Variants in DOCK9 observed in about 807,000 individuals in gnomAD.
The protein encoded by DOCK9 is dedicator of cytokinesis protein 9.
Under a neutral mutation model 263.3 loss-of-function variants are expected in DOCK9, and 89 were observed. That is an observed-to-expected ratio of 0.34 (90% CI 0.28 to 0.40). DOCK9 has a LOEUF of 0.40. Ranked by LOEUF, DOCK9 falls within the 10% of genes least tolerant of loss-of-function variation. The pLI is 1.00. For synonymous variants in DOCK9, 976 were observed against 973.1 expected (o/e 1.00, Z -0.06); for missense variants, 2,140 against 2,603.4 (o/e 0.82, Z 3.87).
chr13:98,886,904 ATTC>A (rs1370362583), intron 18 of DOCK9, among the ~76,000 whole-genome samples: 7 of 151,920 alleles, frequency 4.6e-5, no homozygotes, highest in African/African-American at 1.7e-4. Context: ...TTCTTATGCA[ATTC>A]TTCTGTCCAA....
chr13:98,845,528 G>A (rs963521283), intron 38 of DOCK9, among the ~76,000 whole-genome samples: 2 of 152,216 alleles, frequency 1.3e-5, no homozygotes, highest in Non-Finnish European at 2.9e-5. Context: ...ACATGCACAG[G>A]ATCAGAAGGG....
chr13:99,062,161 C>G (rs2041222359), intron 1 of DOCK9, among the ~76,000 whole-genome samples: 1 of 152,168 alleles, frequency 6.6e-6, no homozygotes, highest in South Asian at 2.1e-4. Context: ...CATGAGCCAC[C>G]ATGCCCATCC....
chr13:99,020,342 C>T (rs1480195742), intron 1 of DOCK9, among the ~76,000 whole-genome samples: 1 of 152,188 alleles, frequency 6.6e-6, no homozygotes, highest in African/African-American at 2.4e-5. Context: ...CAGCAATATA[C>T]TAAACCACAT....
chr13:99,069,790 G>A (rs889596260), intron 1 of DOCK9, among the ~76,000 whole-genome samples: 3 of 152,154 alleles, frequency 2.0e-5, no homozygotes, highest in East Asian at 3.8e-4. Context: ...CAAGTTAATC[G>A]CTTAAAAGTT....
intron 1 of DOCK9, among the ~76,000 whole-genome samples, chr13:99,033,244 T>C (rs955748407): frequency 6.6e-6 from 1 of 152,212 alleles, no homozygotes; most frequent in Non-Finnish European, 1.5e-5. Context: ...AAAACAAATA[T>C]TCCACCTTAG....
chr13:98,903,963 G>C (rs946157714), intron 10 of DOCK9, among the ~76,000 whole-genome samples: 2 of 152,224 alleles, frequency 1.3e-5, no homozygotes, highest in Non-Finnish European at 2.9e-5. Flanking sequence ...GTTACTAGGG[G>C]ATGGGGGAAG....
upstream of DOCK9, among the ~76,000 whole-genome samples, chr13:98,979,994 T>C (rs1876773293): frequency 6.6e-6 from 1 of 152,206 alleles, no homozygotes; most frequent in South Asian, 2.1e-4. Context: ...CATCAGAATG[T>C]CTGGGCATTA....
intron 50 of DOCK9, among the ~76,000 whole-genome samples, chr13:98,799,281 C>T (rs1983955): frequency 0.12 from 17,706 of 152,186 alleles, 1,327 homozygotes; most frequent in South Asian, 0.24. Context: ...TTATAATCCA[C>T]ATGTAACTTT....
chr13:98,888,572 A>G, intron 16 of DOCK9, 25 bp from the exon 17 acceptor site: 1 of 1,612,816 alleles, frequency 6.2e-7, no homozygotes, highest in Non-Finnish European at 8.5e-7. Context: ...AAAATAACTC[A>G]AACTGAAGTA....
chr13:98,970,038 A>G (rs12867499), intron 1 of DOCK9, among the ~76,000 whole-genome samples: 44,893 of 152,158 alleles, frequency 0.3, 8,301 homozygotes, highest in Non-Finnish European at 0.41. Context: ...TCTGTTGCCC[A>G]GGCTGGAGTG....
intron 49 of DOCK9, among the ~76,000 whole-genome samples, chr13:98,804,001 T>C (rs2090412333): frequency 1.4e-5 from 2 of 144,840 alleles, no homozygotes. Flanking sequence ...CCAGTCTCTC[T>C]TTTTAAAGCA....
chr13:98,988,912 G>C (rs1020919928), intron 1 of DOCK9, among the ~76,000 whole-genome samples: 2 of 152,320 alleles, frequency 1.3e-5, no homozygotes, highest in African/African-American at 4.8e-5. Flanking sequence ...CTCGCTCCCA[G>C]GGTAGGACGG....
intron 1 of DOCK9, among the ~76,000 whole-genome samples, chr13:98,974,772 A>AAC (rs1169768829): frequency 6.7e-6 from 1 of 149,784 alleles, no homozygotes; most frequent in Non-Finnish European, 1.5e-5. Context: ...AAAAAAAAAA[A>AAC]AGAACAACTC....
rs1251589731 is a variant in DOCK9 at position 98,880,663 on chromosome 13, T to C, written c.2755A>G (p.Lys919Glu). The C allele has an allele frequency of 4.3e-6, 7 of 1,613,466 alleles. No homozygotes were observed. Among genetic ancestry groups the C allele is most frequent in the Non-Finnish European group, 5.1e-6 (6 of 1,179,740 alleles). ...TCAGAGGCAACATATGGCTCAGCCTTATACGCGTACTTTGAAGAAAAGAGA... is the reference window on the plus strand; with the variant it reads ...TCAGAGGCAACATATGGCTCAGCCTCATACGCGTACTTTGAAGAAAAGAGA... ...HLRSYVKYAY[K>E]AEPYVASEYK... Residue 919 changes from lysine to glutamate, a missense_variant, in exon 26 of 53, where the codon AAG becomes GAG. Around this residue, in one of 2 missense-constraint regions of DOCK9, gnomAD observed 1,521 missense variants for 1,741.7 expected, o/e 0.87. Transcript: ENST00000682017.
chr13:99,006,903 C>G (rs1168847132), intron 1 of DOCK9, among the ~76,000 whole-genome samples: 3 of 151,480 alleles, frequency 2.0e-5, no homozygotes, highest in Non-Finnish European at 4.4e-5. Flanking sequence ...ACCAACCTGA[C>G]AACAAGGTGA....
chr13:98,908,820 T>A (rs949532201), intron 9 of DOCK9, among the ~76,000 whole-genome samples: 9 of 152,328 alleles, frequency 5.9e-5, no homozygotes, highest in Non-Finnish European at 8.8e-5. Flanking sequence ...TTGGGTATTT[T>A]TACTTATTGC....
chr13:98,889,910 A>G (rs930965000), intron 15 of DOCK9, among the ~76,000 whole-genome samples: 1 of 152,148 alleles, frequency 6.6e-6, no homozygotes, highest in African/African-American at 2.4e-5. Context: ...CACAGCCTCA[A>G]AGCTATTACT....
Position 98,888,632 on chromosome 13 carries a change from T to G in DOCK9, c.1789A>C (p.Asn597His), listed in dbSNP as rs750136091. 1.2e-6 allele frequency: 2 copies of G among 1,613,660 alleles called. No individual in the cohort carries two copies. The highest frequency in any genetic ancestry group is 1.1e-5 in the South Asian group (1 of 91,058). The change falls in exon 16 of 53, where the codon AAT becomes CAT. Residue 597 changes from asparagine (N) to histidine (H), a missense_variant and splice_region_variant. Asn to His is a moderately conservative substitution (Grantham distance 68, BLOSUM62 1). Transcript: ENST00000682017. ...TIDNVSSDFP[N>H]YVNSSYIPTK... ...TCTATTATGTAGAACTGACACTTAC[T>G]AGGGAAGTCTGAGGAAACATTATCA...
chr13:98,882,400 T>C (rs2044935437), intron 23 of DOCK9, among the ~76,000 whole-genome samples: 1 of 152,176 alleles, frequency 6.6e-6, no homozygotes, highest in South Asian at 2.1e-4. Flanking sequence ...ATATAAAAAC[T>C]TCATTGTTTA....
Sources: gnomAD v4.1 joint callset for allele counts (sites outside exome capture counted in the v4.1 genomes callset) on GRCh38, gnomAD v4.1.1 for gene constraint, gnomAD v4.1.1 regional missense constraint, MANE v1.5 for transcripts, NCBI Gene and HGNC (gene_info 2026-07-23, HGNC 2026-07-21) for gene names.